CCDC124: variants seen among roughly 807,000 people sequenced by gnomAD.
The protein encoded by CCDC124 is coiled-coil domain containing 124, also known as coiled-coil domain-containing protein 124.
In CCDC124, 9 loss-of-function variants were observed where a neutral mutation model predicts 19.8. That is an observed-to-expected ratio of 0.45 (90% CI 0.27 to 0.79). CCDC124 has a LOEUF of 0.79. Ranked by LOEUF, CCDC124 falls within the 30% of genes least tolerant of loss-of-function variation. The probability of loss-of-function intolerance (pLI) is 0.14; values close to 1 mark genes in which losing one functional copy is unlikely to be tolerated. For missense variants in CCDC124, 285 were observed against 319.0 expected, an observed-to-expected ratio of 0.89 and a Z score of 0.81; for synonymous variants, 126 against 131.3, an observed-to-expected ratio of 0.96 and a Z score of 0.27.
Position 17,942,710 on chromosome 19 carries a change from C to T in CCDC124, c.214C>T (p.Arg72Cys), listed in dbSNP as rs1206877497. Reference protein sequence around the residue: ...DQLERKKETQRLLEEEDSKLK... With the variant: ...DQLERKKETQCLLEEEDSKLK... ...GCTGGAACGTAAGAAGGAGACGCAG[C>T]GCCTACTGGAGGAGGAGGACTCCAA... The change falls in exon 3 of 5, where the codon CGC (arginine) becomes TGC (cysteine). Residue 72 changes from arginine to cysteine, a missense_variant. Transcript: ENST00000445755. The surrounding 1 kb of genome is among the most constrained non-coding windows in gnomAD (Gnocchi z 4.2). The T allele has an allele frequency of 1.3e-6, 2 of 1,554,060 alleles. No homozygotes were observed. Among genetic ancestry groups the T allele is most frequent in the South Asian group, 1.2e-5 (1 of 84,344 alleles).
rs2147781679 is a variant in CCDC124, at chr19:17,942,371, G to C, written c.160-285G>C. Among the ~76,000 whole-genome samples, 1 of 152,260 alleles carries C rather than the reference G, an allele frequency of 6.6e-6. No homozygotes were observed. The highest frequency in any genetic ancestry group is 1.9e-4 in the East Asian group (1 of 5,174). On this transcript the variant is annotated intron_variant, in intron 2 of 4. Transcript: ENST00000445755. The surrounding 1 kb of genome is among the most constrained non-coding windows in gnomAD (Gnocchi z 4.2). ...GCGCCTTTGCACTGGTAGCCCTGCT[G>C]CTAAGGACGCTCCTGTTCCCCAGCT...
At position 17,943,338 on chromosome 19, in the gene CCDC124, G is replaced by T; in HGVS notation, c.427G>T (p.Glu143Ter). 2 of 1,594,624 alleles carry T rather than the reference G, an allele frequency of 1.3e-6. No individual in the cohort carries two copies. The highest frequency in any genetic ancestry group is 1.7e-6 in the Non-Finnish European group (2 of 1,173,890). ...CCGCGTGCTGGAGGAGGGCAGCGTG[G>T]AGGCGCGCACCATCGAGGACGCCAT... is the stretch of plus-strand genomic sequence containing the variant. ...NRRVLEEGSV[E>*]ARTIEDAIAV... Residue 143 changes from glutamate (E) to a stop codon, truncating the protein, a stop_gained, in exon 4 of 5, where the codon GAG (glutamate) becomes TAG (stop). Coordinates refer to ENST00000445755, the MANE Select transcript of CCDC124 (RefSeq NM_001136203.2). LOFTEE classifies it high-confidence loss of function.
rs4808105 is a variant in CCDC124, at chr19:17,942,531, T to C, written c.160-125T>C. ...GCACCGGGACCTATCTTGTTCCTGG[T>C]ATGTCCCCTGCACCCAGCACAGAGC... On this transcript the variant is annotated intron_variant, in intron 2 of 4. Coordinates refer to ENST00000445755, the MANE Select transcript of CCDC124 (RefSeq NM_001136203.2). The surrounding 1 kb of genome is among the most constrained non-coding windows in gnomAD (Gnocchi z 4.2). 0.67 allele frequency: 725,388 copies of C among 1,075,842 alleles called. 249,325 individuals are homozygous for C. The highest frequency in any genetic ancestry group is 0.93 in the African/African-American group (58,078 of 62,694). The allele number at this position is 1,075,842 out of a possible 1,614,324, so 66.6% of individuals were successfully genotyped here.
chr19:17,939,437 A>G (rs901578264), intron 2 of CCDC124, among the ~76,000 whole-genome samples: 16 of 152,102 alleles, frequency 1.1e-4, no homozygotes, highest in Non-Finnish European at 1.8e-4. Flanking sequence ...GTATCCAGAC[A>G]GAATCCAGAG....
At chr19:17,938,972 G>A (rs895648081) in intron 2 of CCDC124, among the ~76,000 whole-genome samples, 6 of 152,074 alleles carry the variant, frequency 3.9e-5, no homozygotes, top group Non-Finnish European at 8.8e-5. Flanking sequence ...CTTTCTTCCA[G>A]CCCCACCCCT....
intron 2 of CCDC124, among the ~76,000 whole-genome samples, chr19:17,940,703 T>G (rs1214312233): frequency 2.1e-5 from 3 of 143,210 alleles, no homozygotes; most frequent in Non-Finnish European, 3.0e-5. Flanking sequence ...GAGGCAGAGG[T>G]TGCACCATTG....
rs777067126 is a variant in CCDC124, at chr19:17,943,461, G to T, written c.465-47G>T. ...CCTGGGGGCGGGGCCGGGCTTTTCG[G>T]GGCAAGGCTGCGCCCAAGGCCCCCT... On this transcript the variant is annotated intron_variant, in intron 4 of 4. Transcript: ENST00000445755. The T allele has an allele frequency of 1.9e-5, 31 of 1,589,990 alleles. No individual in the cohort carries two copies. In the Admixed American group the frequency reaches 4.1e-4, roughly 21 times the overall value.
At chr19:17,935,513 C>T (rs558717428) in intron 1 of CCDC124, among the ~76,000 whole-genome samples, 7 of 151,588 alleles carry the variant, frequency 4.6e-5, no homozygotes, top group African/African-American at 7.3e-5. Flanking sequence ...CTCCGCCTCC[C>T]GGGTTCAAGT....
chr19:17,935,998 G>A (rs773355572), intron 1 of CCDC124, among the ~76,000 whole-genome samples: 7 of 151,696 alleles, frequency 4.6e-5, no homozygotes, highest in Non-Finnish European at 7.4e-5. Flanking sequence ...TCCACCTCCC[G>A]GGTTCGAGCG....
At chr19:17,936,124 C>T (rs1406051646) in intron 1 of CCDC124, 4 of 267,974 alleles carry the variant, frequency 1.5e-5, no homozygotes, top group East Asian at 6.9e-5. Flanking sequence ...AGGCTAGTCT[C>T]GAACTTCTGA....
At chr19:17,934,296 G>T (rs1355939773) in intron 1 of CCDC124, among the ~76,000 whole-genome samples, 1 of 149,114 alleles carries the variant, frequency 6.7e-6, no homozygotes, top group Non-Finnish European at 1.5e-5. Flanking sequence ...TGAAACAGGA[G>T]AATTGCTTGA....
intron 1 of CCDC124, 161 bp from the exon 2 acceptor site, chr19:17,936,249 A>T (rs2031059564): frequency 3.3e-6 from 2 of 604,778 alleles, no homozygotes; most frequent in African/African-American, 1.9e-5. Flanking sequence ...TGCCTTAATA[A>T]ACTTTTACAA....
Position 17,942,333 on chromosome 19 carries a change from G to C in CCDC124, c.160-323G>C, listed in dbSNP as rs970166985. ...CCAAGCTGTTCCTGTTACAACAAAT[G>C]GCTCCTGCCTCGGCGCCTTTGCACT... On this transcript the variant is annotated intron_variant, in intron 2 of 4. Transcript: ENST00000445755. This position sits in a 1 kb window ranked among gnomAD's most constrained non-coding sequence, Gnocchi z 4.2. 6.6e-5 allele frequency among the ~76,000 whole-genome samples: 10 copies of C among 152,024 alleles called. No individual in the cohort carries two copies.
chr19:17,940,642 C>G (rs902799140), intron 2 of CCDC124, among the ~76,000 whole-genome samples: 1 of 146,644 alleles, frequency 6.8e-6, no homozygotes, highest in African/African-American at 2.5e-5. Context: ...GGCGGGTGTG[C>G]GTAATCCCAG....
intron 1 of CCDC124, 72 bp from the exon 2 acceptor site, chr19:17,936,338 G>A (rs1599961426): frequency 2.3e-6 from 3 of 1,319,496 alleles, no homozygotes; most frequent in Non-Finnish European, 3.1e-6. Context: ...CTGCCCAAGT[G>A]TGATTCTGGG....
In CCDC124 at chr19:17,936,449, C is replaced by T. The variant is rs2031064523; in HGVS notation, c.29C>T (p.Thr10Ile). ...CCCAAGAAGTTCCAGGGTGAGAACA[C>T]CAAGTCGGCAGCGGCCCGGGCACGT... The part of the protein sequence containing the change: MPKKFQGEN[T>I]KSAAARARRA... The change falls in exon 2 of 5, where the codon ACC becomes ATC. Residue 10 changes from threonine to isoleucine, a missense_variant. Thr to Ile is a moderately conservative substitution (Grantham distance 89). Transcript: ENST00000445755. The T allele has an allele frequency of 6.2e-7, 1 of 1,613,352 alleles. No homozygotes were observed. Among genetic ancestry groups the T allele is most frequent in the Non-Finnish European group, 8.5e-7 (1 of 1,179,868 alleles).
chr19:17,941,413 G>A (rs906208202), intron 2 of CCDC124, among the ~76,000 whole-genome samples: 3 of 152,030 alleles, frequency 2.0e-5, no homozygotes, highest in South Asian at 4.2e-4. Flanking sequence ...TTGGGAGGCT[G>A]AGGCATGAGA....
In CCDC124 at chr19:17,942,954, G is replaced by A; in HGVS notation, c.349+109G>A. ...CCCAGAGAAGCTGCCGGGGCTCCAC[G>A]TGGTGCAGGGTGGGTGGGTAGGCCG... On this transcript the variant is annotated intron_variant, in intron 3 of 4. Transcript: ENST00000445755. This position sits in a 1 kb window ranked among gnomAD's most constrained non-coding sequence, Gnocchi z 4.2. 1 of 1,306,220 alleles carries A rather than the reference G, an allele frequency of 7.7e-7. No individual in the cohort carries two copies. The highest frequency in any genetic ancestry group is 1.5e-5 in the South Asian group (1 of 64,582). 80.9% of individuals were successfully genotyped at this position (1,306,220 alleles called of 1,614,324 possible). A position where few individuals can be genotyped will look rare whatever the true frequency, so the allele number is the denominator to read the frequency against.
In CCDC124 at chr19:17,942,656, G is replaced by GAGGAGA; in HGVS notation, c.169_174dup (p.Glu57_Lys58dup). ...CTGACCATGCACGCCGCCCCCGCAG[G>GAGGAGA]AGGAGAAGGAGAAGCGGCGCCTCGA... On this transcript the variant is annotated inframe_insertion and splice_region_variant, in exon 3 of 5. Coordinates refer to ENST00000445755, the MANE Select transcript of CCDC124 (RefSeq NM_001136203.2). The surrounding 1 kb of genome is among the most constrained non-coding windows in gnomAD (Gnocchi z 4.2). 6.4e-7 allele frequency: 1 copy of GAGGAGA among 1,554,558 alleles called. No individual in the cohort carries two copies. The highest frequency in any genetic ancestry group is 8.7e-7 in the Non-Finnish European group (1 of 1,149,062).
Sources: allele counts gnomAD v4.1 joint callset (sites outside exome capture counted in the v4.1 genomes callset), GRCh38; gene constraint gnomAD v4.1.1; non-coding constraint Gnocchi (gnomAD v3.1); transcripts MANE v1.5; gene names NCBI Gene and HGNC (gene_info 2026-07-23, HGNC 2026-07-21).